Variants in TENM3 observed in about 807,000 individuals in gnomAD.
TENM3 encodes teneurin-3.
A neutral mutation model predicts 255.1 loss-of-function variants in TENM3; 63 were observed. The ratio of observed to expected loss-of-function variants is 0.25; its 90% confidence interval spans 0.20 to 0.30. The LOEUF (loss-of-function observed/expected upper bound fraction) is 0.30, where lower values mean the gene tolerates loss of function less well. Among genes scored for constraint, TENM3 ranks in the 10% least tolerant of loss-of-function variants. The probability of loss-of-function intolerance (pLI) is 1.00; values close to 1 mark genes in which losing one functional copy is unlikely to be tolerated. For missense variants in TENM3, 2,929 were observed against 3,461.1 expected (o/e 0.85, Z 3.86); for synonymous variants, 1,306 against 1,322.3 (o/e 0.99, Z 0.27).
At chr4:182,776,011 T>G (rs1273668058) in intron 24 of TENM3, among the ~76,000 whole-genome samples, 2 of 152,140 alleles carry the variant, frequency 1.3e-5, no homozygotes, top group Non-Finnish European at 2.9e-5. Flanking sequence ...GAGATATATA[T>G]AGATAGGAGA....
At chr4:181,642,315 G>A in the TENM3 span, among the ~76,000 whole-genome samples, 1 of 152,172 alleles carries the variant, frequency 6.6e-6, no homozygotes. Flanking sequence ...TTTTGATGGG[G>A]TGGTTAGTTT....
chr4:182,089,823 C>T, the TENM3 span, among the ~76,000 whole-genome samples: 1 of 152,010 alleles, frequency 6.6e-6, no homozygotes, highest in Non-Finnish European at 1.5e-5. Flanking sequence ...TTATTAGTGT[C>T]CATTACTAAT....
chr4:182,234,163 T>C (rs1046302423), intron 1 of TENM3, among the ~76,000 whole-genome samples: 12 of 152,134 alleles, frequency 7.9e-5, no homozygotes, highest in African/African-American at 2.9e-4. Flanking sequence ...TAACAACCCT[T>C]GGATTGTCAG....
chr4:182,587,307 C>T (rs1186779430), intron 3 of TENM3, among the ~76,000 whole-genome samples: 1 of 152,094 alleles, frequency 6.6e-6, no homozygotes, highest in Non-Finnish European at 1.5e-5. Context: ...GTGGCTGACA[C>T]CTGTAATCCC....
chr4:182,030,096 A>G, the TENM3 span, among the ~76,000 whole-genome samples: 3 of 132,716 alleles, frequency 2.3e-5, no homozygotes, highest in Non-Finnish European at 3.1e-5. Flanking sequence ...ACTTCAATTT[A>G]CAAGATACAT....
intron 1 of TENM3, among the ~76,000 whole-genome samples, chr4:182,184,590 G>T (rs1753030204): frequency 2.0e-5 from 3 of 148,488 alleles, no homozygotes; most frequent in African/African-American, 7.5e-5. Context: ...TTAAAATTTA[G>T]CCAAACCTTT....
intron 3 of TENM3, among the ~76,000 whole-genome samples, chr4:182,457,042 G>A (rs527291759): frequency 6.6e-5 from 10 of 152,018 alleles, no homozygotes; most frequent in Admixed American, 5.9e-4. Flanking sequence ...CAAATTAGCC[G>A]GGCGTGGTGA....
chr4:181,850,277 ATG>A, the TENM3 span, among the ~76,000 whole-genome samples: 1 of 152,044 alleles, frequency 6.6e-6, no homozygotes, highest in East Asian at 1.9e-4. Flanking sequence ...CAATGCTTTA[ATG>A]TACTTTGTTA....
At chr4:181,802,248 A>G in the TENM3 span, among the ~76,000 whole-genome samples, 1 of 152,118 alleles carries the variant, frequency 6.6e-6, no homozygotes, top group African/African-American at 2.4e-5. Flanking sequence ...TGGGAGATGA[A>G]CTCAGAGATG....
the TENM3 span, among the ~76,000 whole-genome samples, chr4:181,853,274 A>T: frequency 6.6e-6 from 1 of 152,232 alleles, no homozygotes; most frequent in Non-Finnish European, 1.5e-5. Flanking sequence ...GAGTTTTAAA[A>T]ACAAATATCT....
rs539487006 is a variant in TENM3 at position 182,197,501 on chromosome 4, C to T, written c.-76+52747C>T. On this transcript the variant is annotated intron_variant, in intron 1 of 2. Transcript: ENST00000512480. ...GATAAAAAAAGTTTCCAAACCACTG[C>T]TTTAATTACTTAATAAATACTCAAA... Among the ~76,000 whole-genome samples, 4 of 152,158 alleles carry T rather than the reference C, an allele frequency of 2.6e-5. No homozygotes were observed. In the East Asian group the frequency reaches 7.7e-4, roughly 29 times the overall value.
In TENM3 at chr4:182,729,168, C is replaced by A; in HGVS notation, c.2572C>A (p.Pro858Thr). Residue 858 changes from proline (P) to threonine (T), a missense_variant, in exon 14 of 28, where the codon CCT becomes ACT. By Grantham distance (38) the Pro-to-Thr change is conservative. Coordinates refer to ENST00000511685, the MANE Select transcript of TENM3 (RefSeq NM_001080477.4). Reference sequence around the variant, plus strand: ...CACCCATGTTATACCTGGAGAAAGTCCTTTCAATAAGAGGTTAATGCTTCT... The same window carrying A: ...CACCCATGTTATACCTGGAGAAAGTACTTTCAATAAGAGGTTAATGCTTCT... The part of the protein sequence containing the change: ...DSTHVIPGES[P>T]FNKSLASVIR... The A allele has an allele frequency of 1.2e-6, 2 of 1,613,406 alleles. No homozygotes were observed. The highest frequency in any genetic ancestry group is 1.7e-6 in the Non-Finnish European group (2 of 1,179,392).
the TENM3 span, among the ~76,000 whole-genome samples, chr4:181,545,744 G>A: frequency 0.044 from 6,712 of 152,128 alleles, 225 homozygotes; most frequent in South Asian, 0.15. Context: ...TTACATTACA[G>A]CAGAATAACA....
chr4:181,489,185 T>C, the TENM3 span, among the ~76,000 whole-genome samples: 1 of 152,178 alleles, frequency 6.6e-6, no homozygotes, highest in Non-Finnish European at 1.5e-5. Context: ...CCTCAACCTC[T>C]TTCTGCTCCA....
the TENM3 span, among the ~76,000 whole-genome samples, chr4:182,074,601 G>A: frequency 6.6e-6 from 1 of 152,296 alleles, no homozygotes; most frequent in South Asian, 2.1e-4. Context: ...TGTTGCTTAA[G>A]CAAGAAAGAA....
intron 23 of TENM3, chr4:182,773,912 A>G: frequency 7.0e-6 from 2 of 283,786 alleles, no homozygotes; most frequent in Non-Finnish European, 1.3e-5. Flanking sequence ...AGCCCTTCAC[A>G]TGCATCATCA....
At chr4:182,351,412 G>A (rs1765173544) in intron 3 of TENM3, among the ~76,000 whole-genome samples, 1 of 152,170 alleles carries the variant, frequency 6.6e-6, no homozygotes, top group Admixed American at 6.5e-5. Context: ...GCCTGGATTT[G>A]GAATCACACT....
At chr4:181,692,477 C>T in the TENM3 span, among the ~76,000 whole-genome samples, 1 of 152,152 alleles carries the variant, frequency 6.6e-6, no homozygotes, top group Admixed American at 6.5e-5. Context: ...TAACTGAGCA[C>T]TTAACTTTAA....
At chr4:181,612,412 T>C in the TENM3 span, among the ~76,000 whole-genome samples, 1 of 152,098 alleles carries the variant, frequency 6.6e-6, no homozygotes, top group African/African-American at 2.4e-5. Context: ...GTACAGAACA[T>C]GGTAAGTTCA....
Sources: allele counts gnomAD v4.1 joint callset (sites outside exome capture counted in the v4.1 genomes callset), GRCh38; gene constraint gnomAD v4.1.1; transcripts MANE v1.5; gene names NCBI Gene and HGNC (gene_info 2026-07-23, HGNC 2026-07-21).